The following MTDH variants were observed in gnomAD, a reference collection of about 807,000 sequenced individuals.
MTDH encodes the protein metadherin, also known as protein LYRIC.
A neutral mutation model predicts 72.7 loss-of-function variants in MTDH; 34 were observed. The observed-to-expected ratio is 0.47, with a 90% confidence interval of 0.36 to 0.62. The LOEUF (loss-of-function observed/expected upper bound fraction) is 0.62. Among genes scored for constraint, MTDH ranks in the 20% least tolerant of loss-of-function variants. The pLI, the probability that MTDH is intolerant of heterozygous loss-of-function variation, is 0.00. For missense variants in MTDH, 677 were observed against 699.4 expected, an observed-to-expected ratio of 0.97 and a Z score of 0.36; for synonymous variants, 266 against 268.9, an observed-to-expected ratio of 0.99 and a Z score of 0.10.
intron 10 of MTDH, among the ~76,000 whole-genome samples, chr8:97,721,553 C>T (rs1051620425): frequency 1.4e-4 from 22 of 152,138 alleles, no homozygotes; most frequent in Admixed American, 4.6e-4. Flanking sequence ...TTTGCTTTCT[C>T]GAATCTATGG....
intron 2 of MTDH, among the ~76,000 whole-genome samples, chr8:97,663,458 T>C (rs1003974230): frequency 6.6e-6 from 1 of 152,026 alleles, no homozygotes; most frequent in Non-Finnish European, 1.5e-5. Context: ...TTTAAGACTT[T>C]ATGGTTGTTG....
intron 1 of MTDH, among the ~76,000 whole-genome samples, chr8:97,654,442 G>T (rs569386231): frequency 1.3e-5 from 2 of 152,230 alleles, no homozygotes; most frequent in South Asian, 4.1e-4. Flanking sequence ...GAGATAATGC[G>T]TGTAATGTGT....
intron 6 of MTDH, among the ~76,000 whole-genome samples, chr8:97,695,135 G>A (rs1312541689): frequency 1.3e-5 from 2 of 149,030 alleles, no homozygotes; most frequent in African/African-American, 4.9e-5. Flanking sequence ...TTAAGATGGA[G>A]GCTTGTTCTG....
chr8:97,723,232 A>G (rs1354718522), intron 11 of MTDH, among the ~76,000 whole-genome samples, 197 bp downstream of exon 11: 1 of 151,186 alleles, frequency 6.6e-6, no homozygotes, highest in Non-Finnish European at 1.5e-5. Context: ...CCCCGTCTCT[A>G]CTAAAAATAC....
intron 6 of MTDH, among the ~76,000 whole-genome samples, chr8:97,694,780 G>A (rs148885648): frequency 1.2e-4 from 19 of 152,130 alleles, no homozygotes; most frequent in African/African-American, 4.6e-4. Context: ...AAAAATCGCT[G>A]GGCATGGTGG....
intron 6 of MTDH, among the ~76,000 whole-genome samples, chr8:97,697,884 A>G (rs1238414951): frequency 6.6e-6 from 1 of 152,158 alleles, no homozygotes; most frequent in Non-Finnish European, 1.5e-5. Flanking sequence ...TTCCCTTCAT[A>G]TATGCAGAGA....
At chr8:97,659,585 G>A (rs1006851975) in intron 1 of MTDH, among the ~76,000 whole-genome samples, 2 of 152,176 alleles carry the variant, frequency 1.3e-5, no homozygotes, top group Non-Finnish European at 2.9e-5. Flanking sequence ...GTTAACAAAT[G>A]CATGTTAAGT....
chr8:97,704,987 G>A (rs1814288423), intron 7 of MTDH, among the ~76,000 whole-genome samples: 1 of 152,156 alleles, frequency 6.6e-6, no homozygotes, highest in South Asian at 2.1e-4. Context: ...TGCAGAAACA[G>A]ACTGAAGTGC....
chr8:97,644,966 C>G (rs1156245730), intron 1 of MTDH, 79 bp downstream of exon 1: 3 of 1,438,172 alleles, frequency 2.1e-6, no homozygotes, highest in Non-Finnish European at 2.7e-6. Context: ...AGGCCGCGCC[C>G]CAGCCGGGAA....
intron 11 of MTDH, among the ~76,000 whole-genome samples, chr8:97,723,315 G>A (rs1002604958): frequency 9.2e-5 from 14 of 151,496 alleles, no homozygotes; most frequent in East Asian, 2.0e-4. Flanking sequence ...GGAGAATGGC[G>A]TGAACCCGGG....
chr8:97,682,233 TATATATATATATATATATATATATA>T (rs1813115086), intron 2 of MTDH, among the ~76,000 whole-genome samples: 56 of 1,664 alleles, frequency 0.034, 2 homozygotes, highest in African/African-American at 0.12. Context: ...AATTACTTTA[TATATATATATATATATATATATATA>T]TATATATATA....
Position 97,719,156 on chromosome 8 carries a change from T to A in MTDH, c.1488T>A (p.Ser496Arg). ...KAFSLKTIST[S>R]DPAEVLVKNS... ...TTTCCTTGAAGACCATAAGCACTAG[T>A]GATCCAGCCGAAGTACTCGTCAAAA... The change falls in exon 10 of 12, where the codon AGT becomes AGA. Residue 496 changes from serine (S) to arginine (R), a missense_variant. Coordinates refer to ENST00000336273, the MANE Select transcript of MTDH (RefSeq NM_178812.4). 3 of 1,613,616 alleles carry A rather than the reference T, an allele frequency of 1.9e-6. No homozygotes were observed. The highest frequency in any genetic ancestry group is 2.5e-6 in the Non-Finnish European group (3 of 1,179,906).
At chr8:97,688,740 A>G (rs1586247982) in intron 4 of MTDH, among the ~76,000 whole-genome samples, 1 of 152,332 alleles carries the variant, frequency 6.6e-6, no homozygotes, top group African/African-American at 2.4e-5. Context: ...ACTGCAGTTC[A>G]TACTTAAAAT....
At chr8:97,679,886 G>A (rs1161334693) in intron 2 of MTDH, among the ~76,000 whole-genome samples, 1 of 152,134 alleles carries the variant, frequency 6.6e-6, no homozygotes, top group Non-Finnish European at 1.5e-5. Context: ...TAGCAATTGA[G>A]TATTGGCACT....
chr8:97,649,762 C>T (rs898187168), intron 1 of MTDH, among the ~76,000 whole-genome samples: 1 of 151,962 alleles, frequency 6.6e-6, no homozygotes, highest in Non-Finnish European at 1.5e-5. Context: ...CGATACCACA[C>T]CTGGTTATTT....
chr8:97,672,045 C>G (rs1474180856), intron 2 of MTDH, among the ~76,000 whole-genome samples: 1 of 151,812 alleles, frequency 6.6e-6, no homozygotes, highest in Admixed American at 6.6e-5. Context: ...ATCTGCATGC[C>G]CAAAGAGTTT....
intron 2 of MTDH, among the ~76,000 whole-genome samples, chr8:97,669,242 T>C (rs1260768711): frequency 6.6e-6 from 1 of 151,832 alleles, no homozygotes; most frequent in Non-Finnish European, 1.5e-5. Context: ...TCCACCTCCC[T>C]GGGTTCAAGC....
chr8:97,667,388 A>C (rs1214582111), intron 2 of MTDH, among the ~76,000 whole-genome samples: 1 of 152,266 alleles, frequency 6.6e-6, no homozygotes, highest in Non-Finnish European at 1.5e-5. Context: ...ATTAAATCTC[A>C]GTTCTTAAAC....
intron 2 of MTDH, among the ~76,000 whole-genome samples, chr8:97,685,530 G>A (rs1194302624): frequency 2.0e-5 from 3 of 151,942 alleles, no homozygotes; most frequent in African/African-American, 4.8e-5. Flanking sequence ...GAGAGGCCAC[G>A]GCGGGCAGAG....
Sources: allele counts gnomAD v4.1 joint callset (sites outside exome capture counted in the v4.1 genomes callset), GRCh38; gene constraint gnomAD v4.1.1; transcripts MANE v1.5; gene names NCBI Gene and HGNC (gene_info 2026-07-23, HGNC 2026-07-21).